MYT1L: variants seen among roughly 807,000 people sequenced by gnomAD.
The protein encoded by MYT1L is myelin transcription factor 1-like protein.
A neutral mutation model predicts 126.7 loss-of-function variants in MYT1L; 12 were observed. The ratio of observed to expected loss-of-function variants is 0.09; its 90% CI spans 0.06 to 0.15. MYT1L has a LOEUF of 0.15. MYT1L is among the 10% of genes least tolerant of loss of function. The probability of loss-of-function intolerance (pLI) is 1.00; values close to 1 mark genes in which losing one functional copy is unlikely to be tolerated. For synonymous variants in MYT1L, 541 were observed against 604.2 expected (o/e 0.90, Z 1.53); for missense variants, 979 against 1,585.2 (o/e 0.62, Z 6.49).
chr2:2,178,064 AATAG>A (rs1226446519), intron 2 of MYT1L, among the ~76,000 whole-genome samples: 2 of 152,106 alleles, frequency 1.3e-5, no homozygotes, highest in East Asian at 1.9e-4. Context: ...TTTATTTATA[AATAG>A]ATAAAATATT....
At chr2:1,885,795 C>T (rs978478679) in intron 18 of MYT1L, among the ~76,000 whole-genome samples, 2 of 152,186 alleles carry the variant, frequency 1.3e-5, no homozygotes, top group Non-Finnish European at 2.9e-5. Context: ...TGCACCTGCA[C>T]GTATGCTCTC....
rs762411264 is a variant in MYT1L at position 1,839,351 on chromosome 2, C to T, written c.2878G>A (p.Asp960Asn). The T allele has an allele frequency of 5.0e-6, 8 of 1,612,864 alleles. No individual in the cohort carries two copies. The East Asian group carries it at 6.7e-5, about 13-fold the overall frequency. The change falls in exon 21 of 25, where the codon GAC becomes AAC. Residue 960 changes from aspartate (D) to asparagine (N), a missense_variant. Around this residue, in one of 12 missense-constraint regions of MYT1L, gnomAD observed 179 missense variants for 398.6 expected, o/e 0.45. Transcript: ENST00000647738. ...EPIRCPVPGC[D>N]GQGHITGKYA... ...TTCCCAGTGATGTGGCCCTGGCCGT[C>T]GCACCCGGGGACCGGACACCTGTAG...
At chr2:2,247,568 A>G (rs548901319) in intron 2 of MYT1L, among the ~76,000 whole-genome samples, 127 of 152,340 alleles carry the variant, frequency 8.3e-4, no homozygotes, top group African/African-American at 2.8e-3. Context: ...GAATGGCTAC[A>G]GAATACACAT....
chr2:2,143,629 T>C (rs1452070294), intron 3 of MYT1L, among the ~76,000 whole-genome samples: 1 of 152,074 alleles, frequency 6.6e-6, no homozygotes, highest in Non-Finnish European at 1.5e-5. Context: ...AGGTGGGTCA[T>C]TTGGGAGGCC....
chr2:1,922,866 C>T lies in MYT1L; in HGVS notation c.903G>A (p.Met301Ile). ...GTCCGTTGTTCATGGGCTTCCCCAA[C>T]ATGACGTAATTCATATTTCTACTGT... The part of the protein sequence containing the change: ...QQDSRNMNYV[M>I]LGKPMNNGLM... The change falls in exon 10 of 25, where the codon ATG becomes ATA. Residue 301 changes from methionine (M) to isoleucine (I), a missense_variant. Physicochemically the swap from Met to Ile is conservative, Grantham distance 10. Transcript: ENST00000647738. The surrounding 1 kb of genome is among the most constrained non-coding windows in gnomAD (Gnocchi z 7.4). 3 of 1,614,028 alleles carry T rather than the reference C, an allele frequency of 1.9e-6. No homozygotes were observed. Among genetic ancestry groups the T allele is most frequent in the South Asian group, 2.2e-5 (2 of 91,068 alleles).
At chr2:1,996,140 A>G (rs573687661) in intron 5 of MYT1L, among the ~76,000 whole-genome samples, 2 of 152,366 alleles carry the variant, frequency 1.3e-5, no homozygotes, top group African/African-American at 4.8e-5. Context: ...TTTGTGGACA[A>G]TGTGGTCTGG....
At chr2:1,837,228 A>G (rs2041025641) in intron 21 of MYT1L, among the ~76,000 whole-genome samples, 1 of 152,194 alleles carries the variant, frequency 6.6e-6, no homozygotes, top group Non-Finnish European at 1.5e-5. Context: ...CTTAAATCAA[A>G]GGGGCAAACT....
At chr2:2,197,983 AC>A in intron 2 of MYT1L, among the ~76,000 whole-genome samples, 1 of 150,316 alleles carries the variant, frequency 6.7e-6, no homozygotes, top group Middle Eastern at 3.6e-3. Flanking sequence ...TAAATAACAT[AC>A]ATATATATAC....
intron 2 of MYT1L, among the ~76,000 whole-genome samples, chr2:2,248,329 T>A (rs556708791): frequency 6.6e-6 from 1 of 151,832 alleles, no homozygotes; most frequent in Non-Finnish European, 1.5e-5. Flanking sequence ...GATTGAACCA[T>A]GAAGAAATAA....
chr2:2,293,594 C>T (rs1223454940), intron 1 of MYT1L, among the ~76,000 whole-genome samples: 1 of 152,172 alleles, frequency 6.6e-6, no homozygotes, highest in Non-Finnish European at 1.5e-5. Flanking sequence ...CCCCGGGGAA[C>T]AAAACACACC....
Position 1,979,509 on chromosome 2 carries a change from C to T in MYT1L, c.89+12G>A. 1 of 1,612,840 alleles carries T rather than the reference C, an allele frequency of 6.2e-7. No individual in the cohort carries two copies. The highest frequency in any genetic ancestry group is 1.3e-5 in the African/African-American group (1 of 75,032). ...TGTTAATGGGGATGCATTTTACCCA[C>T]ATGGCACTAACCTGAACAGCTCTTG... On this transcript the variant is annotated intron_variant, in intron 7 of 24. Coordinates refer to ENST00000647738, the MANE Select transcript of MYT1L (RefSeq NM_001303052.2). This position sits in a 1 kb window ranked among gnomAD's most constrained non-coding sequence, Gnocchi z 4.0.
At chr2:2,025,698 G>A (rs558440552) in intron 4 of MYT1L, among the ~76,000 whole-genome samples, 2 of 152,336 alleles carry the variant, frequency 1.3e-5, no homozygotes, top group African/African-American at 4.8e-5. Flanking sequence ...ACCTGTGACA[G>A]TGTGACAAGG....
At chr2:2,320,619 G>A (rs1380468156) in intron 1 of MYT1L, among the ~76,000 whole-genome samples, 3 of 152,182 alleles carry the variant, frequency 2.0e-5, no homozygotes, top group Non-Finnish European at 1.5e-5. Context: ...CCAGCCTACA[G>A]GATATGAGGC....
chr2:2,199,368 C>T (rs866468288), intron 2 of MYT1L, among the ~76,000 whole-genome samples: 22 of 152,172 alleles, frequency 1.4e-4, no homozygotes, highest in African/African-American at 3.9e-4. Context: ...GCCTTCTTGC[C>T]GGCCACAATT....
At chr2:2,138,879 C>T (rs1173377818) in intron 3 of MYT1L, among the ~76,000 whole-genome samples, 5 of 151,558 alleles carry the variant, frequency 3.3e-5, no homozygotes, top group African/African-American at 7.3e-5. Flanking sequence ...GGACTGCCTC[C>T]GAAAGCCTGG....
intron 22 of MYT1L, chr2:1,802,012 A>G (rs768854776): frequency 5.2e-5 from 25 of 484,474 alleles, no homozygotes; most frequent in Non-Finnish European, 8.0e-5. Context: ...ACAAAAAGGA[A>G]CAAACAATTG....
intron 3 of MYT1L, among the ~76,000 whole-genome samples, chr2:2,084,330 T>C (rs757908752): frequency 6.6e-6 from 1 of 152,266 alleles, no homozygotes; most frequent in African/African-American, 2.4e-5. Flanking sequence ...GCTTACCCCA[T>C]CTCCTGGTCA....
At chr2:1,833,334 T>C (rs1654829379) in intron 21 of MYT1L, among the ~76,000 whole-genome samples, 1 of 152,142 alleles carries the variant, frequency 6.6e-6, no homozygotes. Flanking sequence ...GCTATGTGGC[T>C]TGGCCTTAGC....
In MYT1L at chr2:2,026,692, G is replaced by A. The variant is rs1174266360; in HGVS notation, c.-158+27286C>T. 6.6e-5 allele frequency among the ~76,000 whole-genome samples: 10 copies of A among 152,272 alleles called. No individual in the cohort carries two copies. In the East Asian group the frequency reaches 9.7e-4, roughly 15 times the overall value. On this transcript the variant is annotated intron_variant, in intron 4 of 24. Coordinates refer to ENST00000647738, the MANE Select transcript of MYT1L (RefSeq NM_001303052.2). ...CAGTGCGGCCTCTGCCTGCCTCCCCGAGGCCCGGGAGGTACAGGGAACCTC... is the reference window on the plus strand; with the variant it reads ...CAGTGCGGCCTCTGCCTGCCTCCCCAAGGCCCGGGAGGTACAGGGAACCTC...
Sources: allele counts gnomAD v4.1 joint callset (sites outside exome capture counted in the v4.1 genomes callset), GRCh38; gene constraint gnomAD v4.1.1; regional missense constraint gnomAD v4.1.1; non-coding constraint Gnocchi (gnomAD v3.1); transcripts MANE v1.5; gene names NCBI Gene and HGNC (gene_info 2026-07-23, HGNC 2026-07-21).